The following TNNI3K variants were observed in gnomAD, a reference collection of about 807,000 sequenced individuals.
The protein encoded by TNNI3K is serine/threonine-protein kinase TNNI3K.
Under a neutral mutation model 114.5 loss-of-function variants are expected in TNNI3K, and 140 were observed. That is an observed-to-expected ratio of 1.22 (90% CI 1.07 to 1.41). TNNI3K has a LOEUF of 1.41. Ranked by LOEUF, TNNI3K falls within the 40% of genes most tolerant of loss-of-function variation. The probability of loss-of-function intolerance (pLI) is 0.00; values close to 1 mark genes in which losing one functional copy is unlikely to be tolerated. For synonymous variants in TNNI3K, 347 were observed against 347.5 expected (o/e 1.00, Z 0.02); for missense variants, 1,125 against 1,007.6 (o/e 1.12, Z -1.58).
chr1:74,359,047 G>T (rs1047399649), intron 11 of TNNI3K, among the ~76,000 whole-genome samples: 1 of 151,922 alleles, frequency 6.6e-6, no homozygotes, highest in Non-Finnish European at 1.5e-5. Flanking sequence ...AATCCATGCA[G>T]TTGTTGAGTA....
At chr1:74,252,926 T>A (rs1655030871) in intron 4 of TNNI3K, among the ~76,000 whole-genome samples, 1 of 152,200 alleles carries the variant, frequency 6.6e-6, no homozygotes, top group Non-Finnish European at 1.5e-5. Context: ...GGCAGCCTGC[T>A]TTTATTCTCT....
intron 5 of TNNI3K, among the ~76,000 whole-genome samples, chr1:74,320,846 A>G (rs950942510): frequency 1.3e-5 from 2 of 152,154 alleles, no homozygotes; most frequent in Non-Finnish European, 2.9e-5. Flanking sequence ...TTGGCAGAAG[A>G]TATTTTTTCT....
At chr1:74,515,656 G>A (rs1442379054) in intron 23 of TNNI3K, among the ~76,000 whole-genome samples, 1 of 152,138 alleles carries the variant, frequency 6.6e-6, no homozygotes, top group African/African-American at 2.4e-5. Flanking sequence ...AAACTAAGGG[G>A]ATCATGGTTT....
intron 17 of TNNI3K, among the ~76,000 whole-genome samples, chr1:74,400,886 G>T (rs899338165): frequency 1.3e-5 from 2 of 152,084 alleles, no homozygotes; most frequent in Non-Finnish European, 2.9e-5. Flanking sequence ...TAGTTCAATT[G>T]GCCATTCCAT....
At chr1:74,299,113 G>A (rs988791408) in intron 5 of TNNI3K, among the ~76,000 whole-genome samples, 2 of 151,920 alleles carry the variant, frequency 1.3e-5, no homozygotes, top group Non-Finnish European at 2.9e-5. Flanking sequence ...CTTCAGAGTG[G>A]GAAAAACAGA....
chr1:74,256,970 T>C (rs1655353948), intron 4 of TNNI3K, among the ~76,000 whole-genome samples: 1 of 152,192 alleles, frequency 6.6e-6, no homozygotes, highest in African/African-American at 2.4e-5. Flanking sequence ...TCTGTAAATT[T>C]ATGGTTTCAT....
At chr1:74,330,132 A>G (rs572614469) in intron 5 of TNNI3K, among the ~76,000 whole-genome samples, 1 of 152,228 alleles carries the variant, frequency 6.6e-6, no homozygotes, top group Non-Finnish European at 1.5e-5. Flanking sequence ...AATTGGAAAT[A>G]TTAACAAGTT....
At chr1:74,252,662 G>C (rs926737576) in intron 4 of TNNI3K, among the ~76,000 whole-genome samples, 2 of 152,040 alleles carry the variant, frequency 1.3e-5, no homozygotes, top group African/African-American at 4.8e-5. Flanking sequence ...TGGCTATGGA[G>C]TGAAGCTGCA....
intron 21 of TNNI3K, among the ~76,000 whole-genome samples, chr1:74,483,061 G>A (rs1457991034): frequency 6.6e-6 from 1 of 152,182 alleles, no homozygotes; most frequent in Non-Finnish European, 1.5e-5. Context: ...TACCTCTGAA[G>A]GTCTTTAAAT....
rs34656417 is a variant in TNNI3K, at chr1:74,391,957, ATT to A, written c.1772+21590_1772+21591del. Among the ~76,000 whole-genome samples the A allele has an allele frequency of 1.7e-3, 160 of 93,026 alleles. 6 individuals are homozygous for A. Among genetic ancestry groups the A allele is most frequent in the East Asian group, 5.0e-3 (16 of 3,198 alleles). The allele number at this position is 93,026 out of a possible 152,430, so 61.0% of individuals were successfully genotyped here. A position where few individuals can be genotyped will look rare whatever the true frequency, so the allele number is the denominator to read the frequency against. On this transcript the variant is annotated intron_variant, in intron 17 of 24. Transcript: ENST00000326637. Reference sequence around the variant, plus strand: ...TTGATTTAGGATGGTACAGCTTATTATTTTTTTTTTTTTTTTTTTTTTTTTTG... The same window carrying A: ...TTGATTTAGGATGGTACAGCTTATTATTTTTTTTTTTTTTTTTTTTTTTTG...
chr1:74,357,302 A>C (rs1661716386), intron 11 of TNNI3K, among the ~76,000 whole-genome samples: 1 of 152,162 alleles, frequency 6.6e-6, no homozygotes, highest in African/African-American at 2.4e-5. Context: ...CTTCACAATC[A>C]AGGGTGTCTA....
At chr1:74,278,502 T>A (rs1656814382) in intron 5 of TNNI3K, among the ~76,000 whole-genome samples, 1 of 152,170 alleles carries the variant, frequency 6.6e-6, no homozygotes, top group African/African-American at 2.4e-5. Flanking sequence ...CTCAAAGACT[T>A]AGCACATTAA....
intron 4 of TNNI3K, among the ~76,000 whole-genome samples, chr1:74,251,353 A>G (rs1247232267): frequency 6.6e-6 from 1 of 152,048 alleles, no homozygotes; most frequent in Non-Finnish European, 1.5e-5. Context: ...CATAAATATA[A>G]ATTTATAAAA....
chr1:74,399,224 A>G (rs770943500), intron 17 of TNNI3K, among the ~76,000 whole-genome samples: 5 of 151,550 alleles, frequency 3.3e-5, no homozygotes, highest in South Asian at 2.1e-4. Flanking sequence ...ATGTCTCCCA[A>G]TAGCACTCCT....
chr1:74,441,641 A>G (rs1176330882), intron 20 of TNNI3K, among the ~76,000 whole-genome samples: 1 of 152,104 alleles, frequency 6.6e-6, no homozygotes, highest in Non-Finnish European at 1.5e-5. Context: ...CGTCCTTGCC[A>G]GCACTTTGAG....
At chr1:74,339,829 T>C (rs901323334) in intron 7 of TNNI3K, among the ~76,000 whole-genome samples, 3 of 152,078 alleles carry the variant, frequency 2.0e-5, no homozygotes, top group Non-Finnish European at 4.4e-5. Flanking sequence ...TGATACAGCC[T>C]TCAAAATATG....
intron 21 of TNNI3K, chr1:74,471,448 C>T (rs945614658): frequency 2.1e-4 from 83 of 400,652 alleles, no homozygotes; most frequent in Middle Eastern, 1.9e-3. Context: ...TCTGACTTTT[C>T]TAAAAGGATG....
intron 23 of TNNI3K, among the ~76,000 whole-genome samples, chr1:74,525,958 A>G (rs1392806666): frequency 6.6e-6 from 1 of 152,204 alleles, no homozygotes; most frequent in Non-Finnish European, 1.5e-5. Flanking sequence ...TCAGGGTCTG[A>G]CAGCAAAGAA....
At chr1:74,336,251 T>C (rs1042689741) in intron 7 of TNNI3K, 102 bp downstream of exon 7, 4 of 1,367,030 alleles carry the variant, frequency 2.9e-6, no homozygotes, top group Non-Finnish European at 2.9e-6. Context: ...TGACTAATCC[T>C]GTAGTCATGT....
Sources: allele counts gnomAD v4.1 joint callset (sites outside exome capture counted in the v4.1 genomes callset), GRCh38; gene constraint gnomAD v4.1.1; transcripts MANE v1.5; gene names NCBI Gene and HGNC (gene_info 2026-07-23, HGNC 2026-07-21).